SV2B: variants seen among roughly 807,000 people sequenced by gnomAD.
SV2B encodes solute carrier family 22 member B2.
In SV2B, 41 loss-of-function variants were observed where a neutral mutation model predicts 73.9. That is an observed-to-expected ratio of 0.56 (90% CI 0.43 to 0.72). The LOEUF (loss-of-function observed/expected upper bound fraction) is 0.72, where lower values mean the gene tolerates loss of function less well. SV2B is among the 30% of genes least tolerant of loss of function. The probability of loss-of-function intolerance (pLI) is 0.00; values close to 1 mark genes in which losing one functional copy is unlikely to be tolerated. For synonymous variants in SV2B, 314 were observed against 314.2 expected (o/e 1.00, Z 0.01); for missense variants, 764 against 857.8 (o/e 0.89, Z 1.37).
rs1352041006 is a variant in SV2B at position 91,118,287 on chromosome 15, G to T, written c.-392+17924G>T. Among the ~76,000 whole-genome samples the T allele has an allele frequency of 6.6e-6, 1 of 152,166 alleles. No individual in the cohort carries two copies. The highest frequency in any genetic ancestry group is 2.4e-5 in the African/African-American group (1 of 41,432). ...ACTATTCAGGAGAGTGCTTTAGAGG[G>T]TTTGATGTGTGCCCTGGAGTTTGGG... On this transcript the variant is annotated intron_variant, in intron 1 of 12. Coordinates refer to ENST00000394232, the MANE Select transcript of SV2B (RefSeq NM_001323032.3). The surrounding 1 kb of genome is among the most constrained non-coding windows in gnomAD (Gnocchi z 4.7).
rs917720127 is a variant in SV2B, at chr15:91,130,644, G to T, written c.-392+30281G>T. Among the ~76,000 whole-genome samples the T allele has an allele frequency of 6.6e-6, 1 of 152,176 alleles. No individual in the cohort carries two copies. Among genetic ancestry groups the T allele is most frequent in the African/African-American group, 2.4e-5 (1 of 41,440 alleles). On this transcript the variant is annotated intron_variant, in intron 1 of 12. Transcript: ENST00000394232. The surrounding 1 kb of genome is among the most constrained non-coding windows in gnomAD (Gnocchi z 5.6). ...ACAGGGACCAAGAGGAAGCTCCTGCGTGTCAGTCAGGATGTGGCTTGTGAG... is the reference window on the plus strand; with the variant it reads ...ACAGGGACCAAGAGGAAGCTCCTGCTTGTCAGTCAGGATGTGGCTTGTGAG...
chr15:91,238,406 G>A (rs2046874041), intron 2 of SV2B, among the ~76,000 whole-genome samples: 1 of 152,176 alleles, frequency 6.6e-6, no homozygotes, highest in Non-Finnish European at 1.5e-5. Context: ...ACTAGTCAGT[G>A]ACAGATCTAG....
At chr15:91,259,949 G>A (rs1304326139) in intron 5 of SV2B, among the ~76,000 whole-genome samples, 1 of 152,030 alleles carries the variant, frequency 6.6e-6, no homozygotes, top group Non-Finnish European at 1.5e-5. Context: ...CTTTTTTTGG[G>A]GGGACACAAT....
intron 1 of SV2B, among the ~76,000 whole-genome samples, chr15:91,119,903 T>A (rs2042283111): frequency 6.6e-6 from 1 of 152,270 alleles, no homozygotes; most frequent in African/African-American, 2.4e-5. Context: ...TTCCATGCTG[T>A]ATGTCCATTT....
rs1056703405 is a variant in SV2B, at chr15:91,100,996, C to A, written c.-392+633C>A. ...GAGGAGCAAGGCACCGCTGTGTCTT[C>A]GGCAGACGGGTGGTAGAAATCTCTG... On this transcript the variant is annotated intron_variant, in intron 1 of 12. Coordinates refer to ENST00000394232, the MANE Select transcript of SV2B (RefSeq NM_001323032.3). The surrounding 1 kb of genome is among the most constrained non-coding windows in gnomAD (Gnocchi z 6.4). Among the ~76,000 whole-genome samples the A allele has an allele frequency of 6.6e-6, 1 of 152,174 alleles. No individual in the cohort carries two copies. Among genetic ancestry groups the A allele is most frequent in the Non-Finnish European group, 1.5e-5 (1 of 68,030 alleles).
Position 91,100,737 on chromosome 15 carries a change from A to G in SV2B, c.-392+374A>G, listed in dbSNP as rs1165658688. ...TTTAGTTTCAGTTACATTCTAGTAGATAGATTTTGTTATTGTTGTTGGCTT... is the reference window on the plus strand; with the variant it reads ...TTTAGTTTCAGTTACATTCTAGTAGGTAGATTTTGTTATTGTTGTTGGCTT... On this transcript the variant is annotated intron_variant, in intron 1 of 12. Transcript: ENST00000394232. This position sits in a 1 kb window ranked among gnomAD's most constrained non-coding sequence, Gnocchi z 6.4. Among the ~76,000 whole-genome samples, 1 of 152,314 alleles carries G rather than the reference A, an allele frequency of 6.6e-6. No individual in the cohort carries two copies. Among genetic ancestry groups the G allele is most frequent in the East Asian group, 1.9e-4 (1 of 5,186 alleles).
In SV2B at chr15:91,132,497, A is replaced by G. The variant is rs1425943484; in HGVS notation, c.-392+32134A>G. ...GCTGGAGTGAAGTTACAAAGTTGCA[A>G]ACGAAGACGGGACCCTCATTCAGTC... On this transcript the variant is annotated intron_variant, in intron 1 of 12. Transcript: ENST00000394232. This position sits in a 1 kb window ranked among gnomAD's most constrained non-coding sequence, Gnocchi z 4.6. Among the ~76,000 whole-genome samples, 2 of 152,234 alleles carry G rather than the reference A, an allele frequency of 1.3e-5. No individual in the cohort carries two copies. The highest frequency in any genetic ancestry group is 1.9e-4 in the East Asian group (1 of 5,198).
In SV2B at chr15:91,183,176, G is replaced by A. The variant is rs546021910; in HGVS notation, c.-391-42697G>A. On this transcript the variant is annotated intron_variant, in intron 1 of 12. Coordinates refer to ENST00000394232, the MANE Select transcript of SV2B (RefSeq NM_001323032.3). ...AGATTTACTTGAGGAGTTGGCTTTT[G>A]AGTTGAGAGCTGAAGGATGAAAAAT... is the stretch of plus-strand genomic sequence containing the variant. Among the ~76,000 whole-genome samples, 8 of 152,328 alleles carry A rather than the reference G, an allele frequency of 5.3e-5. No individual in the cohort carries two copies. The South Asian group carries it at 1.5e-3, about 28-fold the overall frequency.
rs189999529 is a variant in SV2B at position 91,169,321 on chromosome 15, A to G, written c.-391-56552A>G. 1.7e-4 allele frequency among the ~76,000 whole-genome samples: 26 copies of G among 152,166 alleles called. 1 individual carries two copies. Among genetic ancestry groups the G allele is most frequent in the Admixed American group, 5.9e-4 (9 of 15,280 alleles). On this transcript the variant is annotated intron_variant, in intron 1 of 12. Transcript: ENST00000394232. ...TTCTTTAAGAACCTGGGCTAGGTCT[A>G]TTTCACTCTCCTGCATGTGGCCAGC... is the stretch of plus-strand genomic sequence containing the variant.
rs146269547 is a variant in SV2B at position 91,171,795 on chromosome 15, C to T, written c.-391-54078C>T. On this transcript the variant is annotated intron_variant, in intron 1 of 12. Transcript: ENST00000394232. Reference sequence around the variant, plus strand: ...TTTTCTTTTGGCATTTTGACAAAGTCGGTGAATTAACAATGTTCCATGGAG... The same window carrying T: ...TTTTCTTTTGGCATTTTGACAAAGTTGGTGAATTAACAATGTTCCATGGAG... 3.7e-3 allele frequency among the ~76,000 whole-genome samples: 559 copies of T among 152,254 alleles called. 3 individuals are homozygous for T. Among genetic ancestry groups the T allele is most frequent in the Middle Eastern group, 0.014 (4 of 294 alleles).
At position 91,283,520 on chromosome 15, in the gene SV2B, T is replaced by G. The variant is rs887104416; in HGVS notation, c.1508-501T>G. Among the ~76,000 whole-genome samples, 4 of 152,162 alleles carry G rather than the reference T, an allele frequency of 2.6e-5. No individual in the cohort carries two copies. Among genetic ancestry groups the G allele is most frequent in the African/African-American group, 2.4e-5 (1 of 41,426 alleles). On this transcript the variant is annotated intron_variant, in intron 10 of 12. Coordinates refer to ENST00000394232, the MANE Select transcript of SV2B (RefSeq NM_001323032.3). The surrounding 1 kb of genome is among the most constrained non-coding windows in gnomAD (Gnocchi z 4.3). ...GCATGACCATGGCTCAATGTAGCCT[T>G]GACCTCCTGGGCTCAAGTGATCCTC...
intron 2 of SV2B, among the ~76,000 whole-genome samples, chr15:91,249,722 G>A (rs1272598942): frequency 6.6e-6 from 1 of 152,154 alleles, no homozygotes; most frequent in Non-Finnish European, 1.5e-5. Flanking sequence ...GATCACAGGA[G>A]ATTATTATGA....
chr15:91,174,882 C>G (rs543139108), intron 1 of SV2B, among the ~76,000 whole-genome samples: 1 of 152,274 alleles, frequency 6.6e-6, no homozygotes, highest in East Asian at 1.9e-4. Context: ...AAGGTAAGCT[C>G]AGACCCCGTC....
chr15:91,271,090 A>G (rs545443855), intron 9 of SV2B, among the ~76,000 whole-genome samples: 1 of 149,722 alleles, frequency 6.7e-6, no homozygotes. Flanking sequence ...GATGTTGTGG[A>G]TGGTGAATCC....
chr15:91,280,360 T>A lies in SV2B; in HGVS notation c.1374-1368T>A, dbSNP rs1217985415. Among the ~76,000 whole-genome samples the A allele has an allele frequency of 2.0e-5, 3 of 152,216 alleles. No individual in the cohort carries two copies. Among genetic ancestry groups the A allele is most frequent in the Non-Finnish European group, 4.4e-5 (3 of 68,026 alleles). On this transcript the variant is annotated intron_variant, in intron 9 of 12. Transcript: ENST00000394232. The surrounding 1 kb of genome is among the most constrained non-coding windows in gnomAD (Gnocchi z 5.8). Reference sequence around the variant, plus strand: ...ATCTCTGTCATGCCGATTTCCACTGTATTGTAGTTGCCTATTTGCTTGCAC... The same window carrying A: ...ATCTCTGTCATGCCGATTTCCACTGAATTGTAGTTGCCTATTTGCTTGCAC...
intron 11 of SV2B, among the ~76,000 whole-genome samples, chr15:91,285,365 G>A (rs920078947): frequency 6.6e-6 from 1 of 152,292 alleles, no homozygotes; most frequent in Admixed American, 6.5e-5. Flanking sequence ...CCCTATGGGG[G>A]AAGGGACAAT....
chr15:91,218,935 G>T (rs554188612), intron 1 of SV2B, among the ~76,000 whole-genome samples: 27 of 152,114 alleles, frequency 1.8e-4, no homozygotes, highest in South Asian at 1.0e-3. Context: ...TTTTGGGCTT[G>T]CTTTCTTTCT....
At chr15:91,208,955 C>G (rs1314160764) in intron 1 of SV2B, among the ~76,000 whole-genome samples, 1 of 151,966 alleles carries the variant, frequency 6.6e-6, no homozygotes, top group Non-Finnish European at 1.5e-5. Flanking sequence ...CAATCTTCTT[C>G]TTTTTCTTTG....
At chr15:91,135,005 T>A (rs961040319) in intron 1 of SV2B, among the ~76,000 whole-genome samples, 2 of 151,788 alleles carry the variant, frequency 1.3e-5, no homozygotes, top group African/African-American at 2.4e-5. Flanking sequence ...CTTTTTTTTT[T>A]TTTTTTTATT....
Sources: gnomAD v4.1 joint callset for allele counts (sites outside exome capture counted in the v4.1 genomes callset) on GRCh38, gnomAD v4.1.1 for gene constraint, Gnocchi (gnomAD v3.1) non-coding constraint, MANE v1.5 for transcripts, NCBI Gene and HGNC (gene_info 2026-07-23, HGNC 2026-07-21) for gene names.